Variants in COL25A1 observed in about 807,000 individuals in gnomAD.
The protein encoded by COL25A1 is collagen alpha-1(XXV) chain.
COL25A1 carries 103 observed loss-of-function variants against 128.4 expected under a neutral mutation model. That is an observed-to-expected ratio of 0.80 (90% CI 0.68 to 0.94). The LOEUF is 0.94. Ranked by LOEUF, COL25A1 falls within the 40% of genes least tolerant of loss-of-function variation. The probability of loss-of-function intolerance (pLI) is 0.00; values close to 1 mark genes in which losing one functional copy is unlikely to be tolerated. For missense variants in COL25A1, 745 were observed against 840.0 expected (o/e 0.89, Z 1.40); for synonymous variants, 279 against 277.2 (o/e 1.01, Z -0.06).
intron 6 of COL25A1, among the ~76,000 whole-genome samples, chr4:108,998,281 G>C (rs1428276552): frequency 1.3e-5 from 2 of 152,110 alleles, no homozygotes; most frequent in Non-Finnish European, 2.9e-5. Flanking sequence ...AAAGTCTCAG[G>C]ATACAAAATC....
intron 13 of COL25A1, among the ~76,000 whole-genome samples, chr4:108,909,649 T>C (rs917124158): frequency 4.6e-5 from 7 of 152,188 alleles, no homozygotes; most frequent in Non-Finnish European, 1.0e-4. Flanking sequence ...TGCAGAGAGA[T>C]AGTTAGAAGT....
intron 3 of COL25A1, among the ~76,000 whole-genome samples, chr4:109,263,814 A>G (rs1006303498): frequency 6.6e-6 from 1 of 152,248 alleles, no homozygotes; most frequent in Non-Finnish European, 1.5e-5. Flanking sequence ...GCAAAATGAC[A>G]TAAAAGATAC....
At chr4:108,859,591 C>G in intron 24 of COL25A1, 65 bp downstream of exon 24, 1 of 1,384,540 alleles carries the variant, frequency 7.2e-7, no homozygotes, top group African/African-American at 1.4e-5. Flanking sequence ...CATATTTGCA[C>G]ACATTACATG....
intron 3 of COL25A1, among the ~76,000 whole-genome samples, chr4:109,229,478 G>A (rs542071495): frequency 6.6e-6 from 1 of 152,156 alleles, no homozygotes; most frequent in South Asian, 2.1e-4. Flanking sequence ...TGCCAACAGC[G>A]TATTTAACTC....
intron 6 of COL25A1, among the ~76,000 whole-genome samples, chr4:109,000,861 A>G (rs1001970632): frequency 2.1e-5 from 3 of 142,244 alleles, no homozygotes; most frequent in Non-Finnish European, 3.2e-5. Flanking sequence ...TAATAGAAGA[A>G]GCAGCATTCA....
At chr4:108,821,917 A>C (rs10015065) in intron 35 of COL25A1, among the ~76,000 whole-genome samples, 21,056 of 152,054 alleles carry the variant, frequency 0.14, 1,464 homozygotes, top group East Asian at 0.26. Flanking sequence ...ATGGAAGCTG[A>C]ACATGGAAAT....
At chr4:108,888,963 C>A (rs1162892676) in intron 18 of COL25A1, among the ~76,000 whole-genome samples, 2 of 152,186 alleles carry the variant, frequency 1.3e-5, no homozygotes, top group Non-Finnish European at 2.9e-5. Context: ...CCCACCTAAT[C>A]TTTGTGAGTT....
At chr4:109,210,937 G>A (rs530854520) in intron 3 of COL25A1, among the ~76,000 whole-genome samples, 1 of 152,050 alleles carries the variant, frequency 6.6e-6, no homozygotes, top group South Asian at 2.1e-4. Flanking sequence ...ACCAAATACC[G>A]CATGTTCTCA....
At chr4:109,050,069 G>T (rs1760837203) in intron 4 of COL25A1, 66 bp downstream of exon 4, 6 of 1,316,744 alleles carry the variant, frequency 4.6e-6, no homozygotes, top group Non-Finnish European at 6.5e-6. Context: ...TCATTAATTA[G>T]GAAGAACAGA....
intron 3 of COL25A1, among the ~76,000 whole-genome samples, chr4:109,208,799 C>T (rs1578442621): frequency 2.0e-5 from 3 of 152,090 alleles, no homozygotes; most frequent in Admixed American, 2.0e-4. Context: ...TAGCATGTGA[C>T]ACAACCATCT....
At chr4:109,185,361 C>T (rs972567972) in intron 3 of COL25A1, among the ~76,000 whole-genome samples, 1 of 152,084 alleles carries the variant, frequency 6.6e-6, no homozygotes, top group Non-Finnish European at 1.5e-5. Flanking sequence ...ATAGCTGAAG[C>T]ATTACTGTCC....
At chr4:109,282,390 A>G (rs1159121530) in intron 3 of COL25A1, among the ~76,000 whole-genome samples, 2 of 152,286 alleles carry the variant, frequency 1.3e-5, no homozygotes, top group East Asian at 1.9e-4. Flanking sequence ...CCTCTATGGC[A>G]CAAAAATGGA....
intron 3 of COL25A1, among the ~76,000 whole-genome samples, chr4:109,257,586 A>G (rs1422448186): frequency 6.6e-6 from 1 of 152,214 alleles, no homozygotes; most frequent in African/African-American, 2.4e-5. Flanking sequence ...ATAGACTTTT[A>G]GTGCTCATAG....
intron 3 of COL25A1, among the ~76,000 whole-genome samples, chr4:109,203,192 T>A (rs1776709329): frequency 6.6e-6 from 1 of 151,888 alleles, no homozygotes; most frequent in Admixed American, 6.6e-5. Flanking sequence ...AAAAACAGGA[T>A]GCATATGAGG....
At chr4:108,864,013 C>A (rs1410068718) in intron 20 of COL25A1, among the ~76,000 whole-genome samples, 1 of 152,142 alleles carries the variant, frequency 6.6e-6, no homozygotes, top group Non-Finnish European at 1.5e-5. Context: ...GACTTCTCAG[C>A]CTCTATAATT....
At chr4:109,267,538 T>C (rs1227218429) in intron 3 of COL25A1, among the ~76,000 whole-genome samples, 1 of 152,186 alleles carries the variant, frequency 6.6e-6, no homozygotes. Context: ...GTTTTTAGTG[T>C]TATAATCAAA....
At chr4:108,959,200 C>T (rs1750399363) in intron 8 of COL25A1, among the ~76,000 whole-genome samples, 1 of 152,060 alleles carries the variant, frequency 6.6e-6, no homozygotes, top group African/African-American at 2.4e-5. Flanking sequence ...AGACAGACTC[C>T]ATTCACCTTC....
At chr4:108,939,255 T>C (rs1318851762) in intron 10 of COL25A1, among the ~76,000 whole-genome samples, 2 of 152,204 alleles carry the variant, frequency 1.3e-5, no homozygotes, top group East Asian at 1.9e-4. Context: ...TGGATCTCTC[T>C]ACCTTTTGGA....
At chr4:108,837,566 A>G (rs1733955737) in intron 31 of COL25A1, among the ~76,000 whole-genome samples, 1 of 152,230 alleles carries the variant, frequency 6.6e-6, no homozygotes, top group African/African-American at 2.4e-5. Context: ...CAAGAACCTC[A>G]TAACAGGGAA....
Sources: allele counts gnomAD v4.1 joint callset (sites outside exome capture counted in the v4.1 genomes callset), GRCh38; gene constraint gnomAD v4.1.1; transcripts MANE v1.5; gene names NCBI Gene and HGNC (gene_info 2026-07-23, HGNC 2026-07-21).